Variants in IPO11 observed in about 807,000 individuals in gnomAD.
The protein encoded by IPO11 is importin 11.
A neutral mutation model predicts 143.2 loss-of-function variants in IPO11; 66 were observed. The observed-to-expected ratio is 0.46, with a 90% CI of 0.38 to 0.57. The LOEUF (loss-of-function observed/expected upper bound fraction) is 0.57, where lower values mean the gene tolerates loss of function less well. IPO11 is among the 20% of genes least tolerant of loss of function. IPO11 has a pLI of 0.00. For synonymous variants in IPO11, 385 were observed against 377.8 expected, an observed-to-expected ratio of 1.02 and a Z score of -0.22; for missense variants, 1,026 against 1,141.0, an observed-to-expected ratio of 0.90 and a Z score of 1.45.
rs191873050 is a variant in IPO11 at position 62,613,065 on chromosome 5, T to G, written c.2763+11217T>G. Among the ~76,000 whole-genome samples the G allele has an allele frequency of 2.0e-3, 307 of 152,222 alleles. 2 individuals carry two copies. The highest frequency in any genetic ancestry group is 7.2e-3 in the African/African-American group (300 of 41,554). On this transcript the variant is annotated intron_variant, in intron 29 of 29. Transcript: ENST00000325324. ...GATCAATGGGATAAGTAGAAAGCAG[T>G]GTTTTGTTGTTTAATGTACTTTTTC...
chr5:62,478,028 A>T (rs566577022), intron 9 of IPO11, among the ~76,000 whole-genome samples: 2 of 152,292 alleles, frequency 1.3e-5, no homozygotes, highest in Non-Finnish European at 2.9e-5. Context: ...ACATATGGCC[A>T]CAGTCAGTCT....
At chr5:62,470,816 C>CCTTTTT (rs1745742053) in intron 7 of IPO11, among the ~76,000 whole-genome samples, 1 of 62,536 alleles carries the variant, frequency 1.6e-5, no homozygotes, top group African/African-American at 6.8e-5. Context: ...TAGCCATCTT[C>CCTTTTT]TTTTTTTTTT....
chr5:62,437,494 T>A (rs1744282976), intron 2 of IPO11, 77 bp downstream of exon 2: 1 of 1,285,880 alleles, frequency 7.8e-7, no homozygotes, highest in Non-Finnish European at 1.1e-6. Flanking sequence ...ACCCTAGTTT[T>A]ATTGGTAGTT....
At chr5:62,521,823 T>C (rs1580279554) in intron 20 of IPO11, among the ~76,000 whole-genome samples, 1 of 152,110 alleles carries the variant, frequency 6.6e-6, no homozygotes, top group Non-Finnish European at 1.5e-5. Flanking sequence ...TTTTCTTTTC[T>C]GGTGACATGT....
chr5:62,533,276 A>G (rs111815993), intron 22 of IPO11, among the ~76,000 whole-genome samples: 2,503 of 150,140 alleles, frequency 0.017, 63 homozygotes, highest in African/African-American at 0.059. Flanking sequence ...CAATGGTGCA[A>G]TCTTGGCTCA....
intron 22 of IPO11, among the ~76,000 whole-genome samples, chr5:62,536,446 T>TTCATTCATTC (rs547323299): frequency 1.3e-5 from 1 of 78,930 alleles, no homozygotes; most frequent in East Asian, 3.7e-4. Context: ...TTCATTCATT[T>TTCATTCATTC]ATTCATTCAT....
chr5:62,624,323 G>A (rs1746481600), intron 29 of IPO11, among the ~76,000 whole-genome samples: 1 of 152,054 alleles, frequency 6.6e-6, no homozygotes, highest in African/African-American at 2.4e-5. Flanking sequence ...CATGAGCCAT[G>A]GCATCCAGCC....
At chr5:62,542,964 A>G (rs1743016991) in intron 24 of IPO11, among the ~76,000 whole-genome samples, 1 of 152,202 alleles carries the variant, frequency 6.6e-6, no homozygotes. Flanking sequence ...AGCATTTAAC[A>G]TATGCTACAT....
intron 12 of IPO11, among the ~76,000 whole-genome samples, chr5:62,485,985 T>TA (rs200919099): frequency 1.4e-5 from 2 of 139,848 alleles, no homozygotes; most frequent in African/African-American, 5.4e-5. Flanking sequence ...TTTCTTTTTC[T>TA]TTTTTTTTTT....
At chr5:62,576,148 A>G (rs1744307101) in intron 27 of IPO11, 1 of 155,910 alleles carries the variant, frequency 6.4e-6, no homozygotes, top group South Asian at 1.8e-4. Flanking sequence ...TATTGCCCAA[A>G]TAGAATTCAG....
At chr5:62,427,027 T>C (rs2112108387) in intron 1 of IPO11, among the ~76,000 whole-genome samples, 1 of 145,144 alleles carries the variant, frequency 6.9e-6, no homozygotes, top group East Asian at 2.2e-4. Context: ...AATTTCTGCC[T>C]CCTGGTTTCA....
intron 1 of IPO11, among the ~76,000 whole-genome samples, chr5:62,419,875 T>G (rs1213744977): frequency 6.6e-6 from 1 of 152,050 alleles, no homozygotes; most frequent in Non-Finnish European, 1.5e-5. Context: ...ATCCCTGTAG[T>G]CCCAAGTCTC....
chr5:62,568,741 G>A (rs1744041273), intron 27 of IPO11, among the ~76,000 whole-genome samples: 1 of 152,102 alleles, frequency 6.6e-6, no homozygotes, highest in Non-Finnish European at 1.5e-5. Context: ...GATCACTGAT[G>A]CATTATTTAG....
At chr5:62,462,158 T>C (rs1192636786) in intron 5 of IPO11, among the ~76,000 whole-genome samples, 4 of 152,170 alleles carry the variant, frequency 2.6e-5, no homozygotes, top group African/African-American at 9.7e-5. Flanking sequence ...TAAGGTGAAA[T>C]AGAGTGGAAT....
At chr5:62,622,220 G>A (rs1284262271) in intron 29 of IPO11, among the ~76,000 whole-genome samples, 3 of 152,086 alleles carry the variant, frequency 2.0e-5, no homozygotes, top group Admixed American at 6.5e-5. Flanking sequence ...TGTATATCAC[G>A]ATCACTTGGG....
chr5:62,480,494 G>A (rs940752190), intron 9 of IPO11, among the ~76,000 whole-genome samples: 4 of 152,152 alleles, frequency 2.6e-5, no homozygotes, highest in African/African-American at 9.7e-5. Context: ...TTGGTAGCTT[G>A]ATGGAGATGG....
intron 26 of IPO11, among the ~76,000 whole-genome samples, chr5:62,552,743 C>T (rs1470769690): frequency 6.6e-6 from 1 of 152,140 alleles, no homozygotes; most frequent in Admixed American, 6.5e-5. Context: ...TCTTCCCTTG[C>T]ATTAGTTCAT....
intron 1 of IPO11, among the ~76,000 whole-genome samples, chr5:62,431,640 C>A (rs1020847709): frequency 1.3e-5 from 2 of 152,050 alleles, no homozygotes; most frequent in African/African-American, 4.8e-5. Flanking sequence ...CTCAAGATAG[C>A]CATTGAAACA....
At chr5:62,574,809 A>G (rs1290736742) in intron 27 of IPO11, among the ~76,000 whole-genome samples, 1 of 152,206 alleles carries the variant, frequency 6.6e-6, no homozygotes. Flanking sequence ...ATGTTCTTCT[A>G]AAGTCATGCT....
Sources: allele counts gnomAD v4.1 joint callset (sites outside exome capture counted in the v4.1 genomes callset), GRCh38; gene constraint gnomAD v4.1.1; transcripts MANE v1.5; gene names NCBI Gene and HGNC (gene_info 2026-07-23, HGNC 2026-07-21).